Variants in SLC30A8 observed in about 807,000 individuals in gnomAD.
SLC30A8 encodes the protein solute carrier family 30 member 8, also known as proton-coupled zinc antiporter SLC30A8.
Under a neutral mutation model 36.9 loss-of-function variants are expected in SLC30A8, and 27 were observed. That is an observed-to-expected ratio of 0.73 (90% CI 0.54 to 1.01). SLC30A8 has a LOEUF of 1.01. Ranked by LOEUF, SLC30A8 falls within the 50% of genes least tolerant of loss-of-function variation. The pLI is 0.00. For synonymous variants in SLC30A8, 164 were observed against 172.4 expected, an observed-to-expected ratio of 0.95 and a Z score of 0.38; for missense variants, 439 against 452.0, an observed-to-expected ratio of 0.97 and a Z score of 0.26.
At chr8:117,169,739 G>C (rs1369897144) in intron 6 of SLC30A8, among the ~76,000 whole-genome samples, 2 of 152,048 alleles carry the variant, frequency 1.3e-5, no homozygotes, top group Non-Finnish European at 2.9e-5. Context: ...GTCACATGAT[G>C]GGAATGGAGC....
At chr8:116,966,338 C>T (rs1341221787) in intron 1 of SLC30A8, among the ~76,000 whole-genome samples, 1 of 152,114 alleles carries the variant, frequency 6.6e-6, no homozygotes, top group Non-Finnish European at 1.5e-5. Context: ...TGGCTAGTTA[C>T]TTGGCATATG....
At chr8:117,094,831 C>T (rs1336785875) in intron 2 of SLC30A8, among the ~76,000 whole-genome samples, 1 of 152,216 alleles carries the variant, frequency 6.6e-6, no homozygotes, top group East Asian at 1.9e-4. Flanking sequence ...TACTGAGCTG[C>T]CCTTAGCCCC....
At chr8:117,092,750 G>A (rs915359638) in intron 2 of SLC30A8, among the ~76,000 whole-genome samples, 1 of 152,156 alleles carries the variant, frequency 6.6e-6, no homozygotes, top group African/African-American at 2.4e-5. Flanking sequence ...TCCTCGTCTT[G>A]TTTGTTCCAG....
intron 2 of SLC30A8, among the ~76,000 whole-genome samples, chr8:117,126,918 A>G (rs1820930197): frequency 6.6e-6 from 1 of 152,034 alleles, no homozygotes; most frequent in Non-Finnish European, 1.5e-5. Flanking sequence ...GTGCACAGTC[A>G]GCGGGAGAGC....
intron 1 of SLC30A8, among the ~76,000 whole-genome samples, chr8:116,953,688 C>T (rs1342886844): frequency 1.3e-5 from 2 of 152,092 alleles, no homozygotes; most frequent in African/African-American, 4.8e-5. Context: ...GCACTCATGT[C>T]TGACTTTCCC....
intron 1 of SLC30A8, among the ~76,000 whole-genome samples, chr8:117,021,511 G>T (rs1816694573): frequency 6.6e-6 from 1 of 152,146 alleles, no homozygotes; most frequent in East Asian, 1.9e-4. Context: ...ATATGTAGAG[G>T]AAAACCATGC....
At chr8:117,146,890 T>G in intron 1 of SLC30A8, 64 bp from the exon 2 acceptor site, 1 of 1,601,142 alleles carries the variant, frequency 6.2e-7, no homozygotes, top group Admixed American at 1.7e-5. Flanking sequence ...ATGGGCAGGG[T>G]GGGTCAGTGA....
At chr8:116,995,498 A>G (rs573812445) in intron 1 of SLC30A8, among the ~76,000 whole-genome samples, 1 of 152,058 alleles carries the variant, frequency 6.6e-6, no homozygotes, top group East Asian at 1.9e-4. Flanking sequence ...ACCCCTTCCT[A>G]CTTACGGAAT....
rs1821917505 is a variant in SLC30A8 at position 117,146,796 on chromosome 8, T to C, written c.72-158T>C. 3.5e-6 allele frequency: 5 copies of C among 1,426,532 alleles called. No homozygotes were observed. In the Admixed American group the frequency reaches 1.4e-4, roughly 40 times the overall value. The allele number at this position is 1,426,532 out of a possible 1,614,324, so 88.4% of individuals were successfully genotyped here. A position where few individuals can be genotyped will look rare whatever the true frequency, so the allele number is the denominator to read the frequency against. ...TAGAAGGAAATTTCTAGCTTGTTTC[T>C]AACACTTGATATTTTCTTGTAGAAG... On this transcript the variant is annotated intron_variant, in intron 1 of 7. Transcript: ENST00000456015.
chr8:116,971,356 A>G (rs1239039444), intron 1 of SLC30A8, among the ~76,000 whole-genome samples: 1 of 152,076 alleles, frequency 6.6e-6, no homozygotes, highest in Non-Finnish European at 1.5e-5. Flanking sequence ...TGGTGGGGAA[A>G]TGGTGTACGT....
intron 1 of SLC30A8, among the ~76,000 whole-genome samples, chr8:116,953,760 T>A (rs911933799): frequency 1.3e-5 from 2 of 152,226 alleles, no homozygotes; most frequent in Non-Finnish European, 1.5e-5. Flanking sequence ...GTTTTCTGTT[T>A]TCCCCCATTT....
intron 2 of SLC30A8, among the ~76,000 whole-genome samples, chr8:117,050,533 G>A (rs1312072860): frequency 1.3e-5 from 2 of 151,934 alleles, no homozygotes; most frequent in African/African-American, 4.8e-5. Context: ...AGCCTCCAGA[G>A]TAGCTGGGAT....
intron 1 of SLC30A8, among the ~76,000 whole-genome samples, chr8:116,990,458 A>G (rs1237569755): frequency 6.6e-6 from 1 of 152,188 alleles, no homozygotes; most frequent in Admixed American, 6.5e-5. Context: ...TCTCCCTAAA[A>G]CTTAAAACTC....
At chr8:116,985,620 C>G (rs927004739) in intron 1 of SLC30A8, among the ~76,000 whole-genome samples, 1 of 152,018 alleles carries the variant, frequency 6.6e-6, no homozygotes, top group Non-Finnish European at 1.5e-5. Context: ...ATTACAGATA[C>G]AATTTTACAA....
At chr8:116,992,797 A>T (rs1815688517) in intron 1 of SLC30A8, among the ~76,000 whole-genome samples, 1 of 152,218 alleles carries the variant, frequency 6.6e-6, no homozygotes, top group Non-Finnish European at 1.5e-5. Flanking sequence ...TGAACAAAGC[A>T]TATAAAATAA....
At chr8:117,121,374 C>T (rs896503513) in intron 2 of SLC30A8, among the ~76,000 whole-genome samples, 7 of 151,846 alleles carry the variant, frequency 4.6e-5, no homozygotes, top group Admixed American at 1.3e-4. Context: ...CACCATAAAC[C>T]AGGCTGCTGA....
At chr8:117,118,853 A>T (rs1168853760) in intron 2 of SLC30A8, among the ~76,000 whole-genome samples, 3 of 152,072 alleles carry the variant, frequency 2.0e-5, no homozygotes, top group African/African-American at 7.2e-5. Context: ...CATTGCTGTC[A>T]GGTGATGGTA....
intron 2 of SLC30A8, among the ~76,000 whole-genome samples, chr8:117,095,088 T>A (rs951923946): frequency 1.3e-5 from 2 of 152,202 alleles, no homozygotes; most frequent in Non-Finnish European, 2.9e-5. Context: ...AGTGCAGAGA[T>A]GCCCAGATCT....
At chr8:117,040,359 C>T (rs1242515457) in intron 2 of SLC30A8, among the ~76,000 whole-genome samples, 1 of 152,180 alleles carries the variant, frequency 6.6e-6, no homozygotes, top group Admixed American at 6.5e-5. Context: ...CAAAATAAAA[C>T]AGGCCATGCA....
Sources: gnomAD v4.1 joint callset for allele counts (sites outside exome capture counted in the v4.1 genomes callset) on GRCh38, gnomAD v4.1.1 for gene constraint, MANE v1.5 for transcripts, NCBI Gene and HGNC (gene_info 2026-07-23, HGNC 2026-07-21) for gene names.